Variants in ANKRD52 observed in about 807,000 individuals in gnomAD.
ANKRD52 encodes the protein ankyrin repeat domain 52.
ANKRD52 carries 7 observed loss-of-function variants against 116.0 expected under a neutral mutation model. The ratio of observed to expected loss-of-function variants is 0.06; its 90% CI spans 0.03 to 0.11. The LOEUF (loss-of-function observed/expected upper bound fraction) is 0.11, where lower values mean the gene tolerates loss of function less well. Among genes scored for constraint, ANKRD52 ranks in the 10% least tolerant of loss-of-function variants. ANKRD52 has a pLI of 1.00. For missense variants in ANKRD52, 839 were observed against 1,408.6 expected (o/e 0.60, Z 6.47); for synonymous variants, 528 against 578.1 (o/e 0.91, Z 1.24).
rs1454098876 is a variant in ANKRD52 at position 56,238,703 on chromosome 12, C to G, written c.*4439G>C. ...ATCCTCCATCCTCCCCTAACCCTTC[C>G]CAAACCCCTGCCAAACCCACTCAAG... On this transcript the variant is annotated 3_prime_UTR_variant, in exon 28 of 28. Coordinates refer to ENST00000267116, the MANE Select transcript of ANKRD52 (RefSeq NM_173595.4). 6.6e-6 allele frequency: 1 copy of G among 152,312 alleles called. No homozygotes were observed. The highest frequency in any genetic ancestry group is 1.5e-5 in the Non-Finnish European group (1 of 68,172). The allele number at this position is 152,312 out of a possible 1,614,324, so 9.4% of individuals were successfully genotyped here.
At chr12:56,247,848 G>A in intron 18 of ANKRD52, 74 bp from the exon 19 acceptor site, 1 of 1,488,772 alleles carries the variant, frequency 6.7e-7, no homozygotes, top group Admixed American at 1.9e-5. Flanking sequence ...TAAAGGACTT[G>A]GGGTCAATGT....
chr12:56,250,520 G>A (rs1228086029), intron 15 of ANKRD52, among the ~76,000 whole-genome samples: 1 of 151,270 alleles, frequency 6.6e-6, no homozygotes, highest in African/African-American at 2.4e-5. Flanking sequence ...TGAATAACTG[G>A]GAATATATGC....
Position 56,248,422 on chromosome 12 carries a change from G to A in ANKRD52, c.1776+73C>T. The A allele has an allele frequency of 2.0e-6, 3 of 1,500,338 alleles. No individual in the cohort carries two copies. The highest frequency in any genetic ancestry group is 2.7e-6 in the Non-Finnish European group (3 of 1,097,066). The allele number at this position is 1,500,338 out of a possible 1,614,324, so 92.9% of individuals were successfully genotyped here. On this transcript the variant is annotated intron_variant, in intron 17 of 27. Transcript: ENST00000267116. The surrounding 1 kb of genome is among the most constrained non-coding windows in gnomAD (Gnocchi z 5.1). ...GGCAGAAGGAAGGATAACTTCACAA[G>A]TGCTGGCACCTTTGTTAGGGCCTGG...
At position 56,245,357 on chromosome 12, in the gene ANKRD52, T is replaced by C. The variant is rs748418346; in HGVS notation, c.2404+20A>G. On this transcript the variant is annotated intron_variant, in intron 21 of 27. Transcript: ENST00000267116. ...ACTCCAACACATGCTCCTGTGCCTG[T>C]GGAGGCCCCAGTCTAGTACCAGTGT... The C allele has an allele frequency of 3.1e-6, 5 of 1,606,902 alleles. No homozygotes were observed. In the Admixed American group the frequency reaches 8.5e-5, roughly 27 times the overall value.
chr12:56,249,543 C>T (rs1316025761), intron 15 of ANKRD52, among the ~76,000 whole-genome samples: 4 of 152,208 alleles, frequency 2.6e-5, no homozygotes, highest in Middle Eastern at 3.4e-3. Flanking sequence ...AGCTGAGCCT[C>T]TTGGATTTTA....
rs779679718 is a variant in ANKRD52, at chr12:56,243,352, C to A, written c.3021G>T (p.Val1007=). 6.2e-7 allele frequency: 1 copy of A among 1,613,922 alleles called. No individual in the cohort carries two copies. Among genetic ancestry groups the A allele is most frequent in the Non-Finnish European group, 8.5e-7 (1 of 1,179,844 alleles). ...AAAGGATCAAGGCCAGGCAGTCTGC[C>A]ACATCTTTGTTGGGGGCACAGGCCA... ...PALACAPNKD[V]ADCLALILST... The change falls in exon 28 of 28, where the codon GTG becomes GTT. Residue 1007 remains valine, a synonymous_variant. Transcript: ENST00000267116. The surrounding 1 kb of genome is among the most constrained non-coding windows in gnomAD (Gnocchi z 4.6).
Position 56,243,055 on chromosome 12 carries a change from C to G in ANKRD52, c.*87G>C, listed in dbSNP as rs1245676403. The G allele has an allele frequency of 6.9e-7, 1 of 1,451,640 alleles. No individual in the cohort carries two copies. Among genetic ancestry groups the G allele is most frequent in the East Asian group, 2.5e-5 (1 of 40,240 alleles). 89.9% of individuals were successfully genotyped at this position (1,451,640 alleles called of 1,614,324 possible). On this transcript the variant is annotated 3_prime_UTR_variant, in exon 28 of 28. Coordinates refer to ENST00000267116, the MANE Select transcript of ANKRD52 (RefSeq NM_173595.4). This position sits in a 1 kb window ranked among gnomAD's most constrained non-coding sequence, Gnocchi z 4.6. The stretch of plus-strand genomic sequence containing the variant: ...GCCCCCTCCACCCAGTCGTGTTCTC[C>G]TTTAAAGTGCCCTAAATGTTTAGAC...
In ANKRD52 at chr12:56,243,301, C is replaced by T. The variant is rs775451091; in HGVS notation, c.3072G>A (p.Lys1024=). ...ILSTMKPFPP[K]DAVSPFSFSL... ...TGAAGCTGAAAGGACTGACGGCGTC[C>T]TTGGGTGGGAAAGGCTTCATGGTGG... The change falls in exon 28 of 28, where the codon AAG becomes AAA. Residue 1024 remains lysine (K), a synonymous_variant. Transcript: ENST00000267116. The surrounding 1 kb of genome is among the most constrained non-coding windows in gnomAD (Gnocchi z 4.6). 2 of 1,614,006 alleles carry T rather than the reference C, an allele frequency of 1.2e-6. No homozygotes were observed. Among genetic ancestry groups the T allele is most frequent in the South Asian group, 1.1e-5 (1 of 91,090 alleles).
chr12:56,246,539 G>A (rs1428220005), intron 20 of ANKRD52, among the ~76,000 whole-genome samples: 3 of 152,116 alleles, frequency 2.0e-5, no homozygotes, highest in Non-Finnish European at 1.5e-5. Context: ...GAGGATCTAG[G>A]TTGTGGCGAC....
intron 4 of ANKRD52, 74 bp downstream of exon 4, chr12:56,256,941 C>A: frequency 1.4e-6 from 2 of 1,471,816 alleles, no homozygotes; most frequent in Non-Finnish European, 1.8e-6. Context: ...AGGACTGAGG[C>A]TCCTTAACCC....
intron 20 of ANKRD52, among the ~76,000 whole-genome samples, chr12:56,247,037 C>T (rs1446264428): frequency 6.7e-6 from 1 of 150,142 alleles, no homozygotes; most frequent in Non-Finnish European, 1.5e-5. Flanking sequence ...GGAGCAAGCA[C>T]AAAGCTCAAT....
rs1871044694 is a variant in ANKRD52, at chr12:56,238,924, G to A, written c.*4218C>T. 6.6e-6 allele frequency: 1 copy of A among 152,416 alleles called. No homozygotes were observed. Among genetic ancestry groups the A allele is most frequent in the Non-Finnish European group, 1.5e-5 (1 of 68,118 alleles). 9.4% of individuals were successfully genotyped at this position (152,416 alleles called of 1,614,324 possible). On this transcript the variant is annotated 3_prime_UTR_variant, in exon 28 of 28. Coordinates refer to ENST00000267116, the MANE Select transcript of ANKRD52 (RefSeq NM_173595.4). ...CAATTGGAGAGGGTGCCCAGAGTGA[G>A]AGGTGGAGAAGGGAGGGAAGGCGGT...
At position 56,252,682 on chromosome 12, in the gene ANKRD52, T is replaced by C. The variant is rs1871760598; in HGVS notation, c.1301+98A>G. Reference sequence around the variant, plus strand: ...GCCCTTTCTGCTGTGACTGCTTTCATTGTGAGAGGGGGAATAGATCTGGGC... The same window carrying C: ...GCCCTTTCTGCTGTGACTGCTTTCACTGTGAGAGGGGGAATAGATCTGGGC... On this transcript the variant is annotated intron_variant, in intron 12 of 27. Transcript: ENST00000267116. The surrounding 1 kb of genome is among the most constrained non-coding windows in gnomAD (Gnocchi z 4.7). The C allele has an allele frequency of 5.2e-6, 8 of 1,536,404 alleles. No homozygotes were observed. The highest frequency in any genetic ancestry group is 5.0e-5 in the Admixed American group (3 of 59,480).
chr12:56,247,503 A>T lies in ANKRD52; in HGVS notation c.2174T>A (p.Leu725His). The part of the protein sequence containing the change: ...DAADLRGRTA[L>H]HRGAVTGCED... ...TAGAAGCTCACTCACCCCGCGGTGG[A>T]GGGCAGTGCGGCCCCGGAGGTCAGC... is the stretch of plus-strand genomic sequence containing the variant. Residue 725 changes from leucine to histidine, a missense_variant, in exon 20 of 28, where the codon CTC becomes CAC. Around this residue, in one of 2 missense-constraint regions of ANKRD52, gnomAD observed 552 missense variants for 810.6 expected, o/e 0.68. Coordinates refer to ENST00000267116, the MANE Select transcript of ANKRD52 (RefSeq NM_173595.4). 6.3e-7 allele frequency: 1 copy of T among 1,581,306 alleles called. No homozygotes were observed. The highest frequency in any genetic ancestry group is 8.6e-7 in the Non-Finnish European group (1 of 1,162,866).
Position 56,253,096 on chromosome 12 carries a change from A to C in ANKRD52, c.1101-10T>G. ...GTCATGGATGCCACGCCTAGAGAGAAGTTGAGGGACTCAGTCCTTGGGTCA... is the reference window on the plus strand; with the variant it reads ...GTCATGGATGCCACGCCTAGAGAGACGTTGAGGGACTCAGTCCTTGGGTCA... On this transcript the variant is annotated splice_polypyrimidine_tract_variant and intron_variant, in intron 10 of 27. Coordinates refer to ENST00000267116, the MANE Select transcript of ANKRD52 (RefSeq NM_173595.4). The surrounding 1 kb of genome is among the most constrained non-coding windows in gnomAD (Gnocchi z 5.5). 1 of 1,562,324 alleles carries C rather than the reference A, an allele frequency of 6.4e-7. No homozygotes were observed. Among genetic ancestry groups the C allele is most frequent in the Non-Finnish European group, 8.7e-7 (1 of 1,154,400 alleles).
chr12:56,256,372 C>T (rs1485101070), intron 4 of ANKRD52, among the ~76,000 whole-genome samples: 1 of 152,244 alleles, frequency 6.6e-6, no homozygotes, highest in Admixed American at 6.5e-5. Flanking sequence ...TGAACACCCT[C>T]TTTAGCCTTC....
At position 56,243,455 on chromosome 12, in the gene ANKRD52, C is replaced by T; in HGVS notation, c.2981-63G>A. 2 of 1,544,908 alleles carry T rather than the reference C, an allele frequency of 1.3e-6. No individual in the cohort carries two copies. Among genetic ancestry groups the T allele is most frequent in the Non-Finnish European group, 1.8e-6 (2 of 1,142,124 alleles). ...TGTATCCTAGCCAGCCTCCCCCAAG[C>T]CCTGAAGTCTCTTCTCTGTGGAGGG... is the stretch of plus-strand genomic sequence containing the variant. On this transcript the variant is annotated intron_variant, in intron 27 of 27. Coordinates refer to ENST00000267116, the MANE Select transcript of ANKRD52 (RefSeq NM_173595.4). This position sits in a 1 kb window ranked among gnomAD's most constrained non-coding sequence, Gnocchi z 4.6.
Position 56,253,681 on chromosome 12 carries a change from G to T in ANKRD52, c.985+41C>A. 1 of 1,590,240 alleles carries T rather than the reference G, an allele frequency of 6.3e-7. No homozygotes were observed. Among genetic ancestry groups the T allele is most frequent in the Non-Finnish European group, 8.6e-7 (1 of 1,159,442 alleles). ...TAGATTCTAGAAATGAGTTCCTTGG[G>T]GGAGGAGGGGATGAGAGCACAAAGT... On this transcript the variant is annotated intron_variant, in intron 9 of 27. Coordinates refer to ENST00000267116, the MANE Select transcript of ANKRD52 (RefSeq NM_173595.4). This position sits in a 1 kb window ranked among gnomAD's most constrained non-coding sequence, Gnocchi z 5.5.
rs1034310222 is a variant in ANKRD52 at position 56,238,574 on chromosome 12, C to G, written c.*4568G>C. On this transcript the variant is annotated 3_prime_UTR_variant, in exon 28 of 28. Transcript: ENST00000267116. ...CTGCCAGGCACCCTCCCCTCCCACC[C>G]ACCCCCATTTTGGCACATCTGCAAG... 6.7e-6 allele frequency: 1 copy of G among 149,072 alleles called. No individual in the cohort carries two copies. The highest frequency in any genetic ancestry group is 2.5e-5 in the African/African-American group (1 of 40,606). 9.2% of individuals were successfully genotyped at this position (149,072 alleles called of 1,614,324 possible).
Sources: gnomAD v4.1 joint callset for allele counts (sites outside exome capture counted in the v4.1 genomes callset) on GRCh38, gnomAD v4.1.1 for gene constraint, gnomAD v4.1.1 regional missense constraint, Gnocchi (gnomAD v3.1) non-coding constraint, MANE v1.5 for transcripts, NCBI Gene and HGNC (gene_info 2026-07-23, HGNC 2026-07-21) for gene names.